The following FAXDC2 variants were observed in gnomAD, a reference collection of about 807,000 sequenced individuals.
The protein encoded by FAXDC2 is fatty acid hydroxylase domain containing 2.
Under a neutral mutation model 40.9 loss-of-function variants are expected in FAXDC2, and 41 were observed. That is an observed-to-expected ratio of 1.00 (90% CI 0.78 to 1.30). The LOEUF (loss-of-function observed/expected upper bound fraction) is 1.30. FAXDC2 is among the 50% of genes most tolerant of loss of function. The probability of loss-of-function intolerance (pLI) is 0.00; values close to 1 mark genes in which losing one functional copy is unlikely to be tolerated. For synonymous variants in FAXDC2, 157 were observed against 149.3 expected (o/e 1.05, Z -0.38); for missense variants, 390 against 408.8 (o/e 0.95, Z 0.40).
chr5:154,824,384 A>G, intron 5 of FAXDC2: 1 of 665,716 alleles, frequency 1.5e-6, no homozygotes, highest in Admixed American at 2.2e-5. Flanking sequence ...GATTTCTCCA[A>G]GTTCCCTCTG....
Position 154,821,339 on chromosome 5 carries a change from T to G in FAXDC2, c.766A>C (p.Ile256Leu). The G allele has an allele frequency of 1.2e-6, 2 of 1,610,426 alleles. No homozygotes were observed. The highest frequency in any genetic ancestry group is 1.7e-6 in the Non-Finnish European group (2 of 1,178,790). Residue 256 changes from isoleucine (I) to leucine (L), a missense_variant, in exon 8 of 9, where the codon ATC becomes CTC. By Grantham distance (5) the Ile-to-Leu change is conservative (BLOSUM62 2). Transcript: ENST00000326080. Reference protein sequence around the residue: ...SITMWFSLALIITTISHCGYH... With the variant: ...SITMWFSLALLITTISHCGYH... ...CCACAGTGGGAGATGGTGGTGATGA[T>G]GAGGGCCAAGGAAAACCACATGGTG...
At position 154,841,962 on chromosome 5, in the gene FAXDC2, T is replaced by G. The variant is rs183632358; in HGVS notation, c.1-3784A>C. On this transcript the variant is annotated intron_variant, in intron 1 of 8. Transcript: ENST00000326080. ...CATGTTGGCCAGACCAGTCTCGAAC[T>G]CCTGATGTCAGATGATCCACCTGCC... Among the ~76,000 whole-genome samples, 275 of 152,222 alleles carry G rather than the reference T, an allele frequency of 1.8e-3. 4 individuals carry two copies. The East Asian group carries it at 0.024, about 13-fold the overall frequency.
intron 5 of FAXDC2, among the ~76,000 whole-genome samples, chr5:154,828,984 A>G (rs1342223563): frequency 3.1e-4 from 46 of 149,892 alleles, no homozygotes; most frequent in South Asian, 2.1e-4. Context: ...CAGTGGTGCA[A>G]TCTCGGCTCA....
intron 4 of FAXDC2, among the ~76,000 whole-genome samples, chr5:154,831,471 C>T (rs1400957483): frequency 6.6e-6 from 1 of 151,258 alleles, no homozygotes; most frequent in Non-Finnish European, 1.5e-5. Flanking sequence ...TTTTTTGAGA[C>T]AAAGCCTCTC....
At chr5:154,844,357 G>A (rs1031847108) in intron 1 of FAXDC2, among the ~76,000 whole-genome samples, 5 of 150,920 alleles carry the variant, frequency 3.3e-5, no homozygotes, top group Non-Finnish European at 7.4e-5. Flanking sequence ...ACTCCTGCCT[G>A]GATGACAGAG....
intron 5 of FAXDC2, chr5:154,824,330 A>G (rs1468420556): frequency 1.3e-5 from 8 of 619,112 alleles, no homozygotes; most frequent in Non-Finnish European, 2.3e-5. Flanking sequence ...TCCTGTGACC[A>G]TAGATTACTT....
In FAXDC2 at chr5:154,830,116, A is replaced by AT. The variant is rs1415049202; in HGVS notation, c.366+684dup. On this transcript the variant is annotated intron_variant, in intron 5 of 8. Transcript: ENST00000326080. The stretch of plus-strand genomic sequence containing the variant: ...TGTCTTGTCTGGGAAAGAAGCCAGG[A>AT]TGTGGTTTGGGTGGAGCTGGGTAAA... Among the ~76,000 whole-genome samples, 47 of 152,304 alleles carry AT rather than the reference A, an allele frequency of 3.1e-4. No homozygotes were observed. In the East Asian group the frequency reaches 8.3e-3, roughly 27 times the overall value.
chr5:154,846,573 T>TG (rs1453918277), intron 1 of FAXDC2, among the ~76,000 whole-genome samples: 8 of 152,098 alleles, frequency 5.3e-5, no homozygotes, highest in Admixed American at 2.0e-4. Context: ...TTTTTAGAGA[T>TG]GGGGTCTCAC....
At chr5:154,832,659 ACTT>A (rs747203208) in intron 4 of FAXDC2, among the ~76,000 whole-genome samples, 6 of 152,208 alleles carry the variant, frequency 3.9e-5, no homozygotes, top group East Asian at 3.8e-4. Flanking sequence ...ACGATCTTAA[ACTT>A]CTTCTAGCTC....
intron 5 of FAXDC2, chr5:154,823,864 T>C: frequency 2.2e-6 from 1 of 448,570 alleles, no homozygotes; most frequent in East Asian, 4.2e-5. Context: ...CTGCACATTA[T>C]CACCACTGCC....
In FAXDC2 at chr5:154,838,168, TCTC is replaced by T; in HGVS notation, c.8_10del (p.Gly3del). The T allele has an allele frequency of 1.9e-6, 3 of 1,613,690 alleles. No homozygotes were observed. Among genetic ancestry groups the T allele is most frequent in the Non-Finnish European group, 2.5e-6 (3 of 1,179,852 alleles). ...TTCATTGTGTAGCATATGTCCAGCT[TCTC>T]CTTTCATCTGGAATGAGAAAGCACA... is the stretch of plus-strand genomic sequence containing the variant. On this transcript the variant is annotated inframe_deletion, in exon 2 of 9. Coordinates refer to ENST00000326080, the MANE Select transcript of FAXDC2 (RefSeq NM_032385.5).
intron 5 of FAXDC2, chr5:154,824,734 C>G (rs1759979319): frequency 1.4e-5 from 8 of 577,968 alleles, no homozygotes; most frequent in Non-Finnish European, 2.5e-5. Context: ...AACAAAGATT[C>G]CTGCCCCCAT....
intron 3 of FAXDC2, 33 bp from the exon 4 acceptor site, chr5:154,834,761 C>A (rs747966879): frequency 6.2e-7 from 1 of 1,603,810 alleles, no homozygotes; most frequent in Non-Finnish European, 8.5e-7. Flanking sequence ...TGGGTGAAGA[C>A]TAGTGGGTGG....
chr5:154,832,650 C>T (rs1164454349), intron 4 of FAXDC2, among the ~76,000 whole-genome samples: 2 of 152,170 alleles, frequency 1.3e-5, no homozygotes, highest in East Asian at 3.8e-4. Context: ...CACCGTAAGA[C>T]GATCTTAAAC....
intron 1 of FAXDC2, among the ~76,000 whole-genome samples, chr5:154,842,745 T>C (rs1760509549): frequency 6.6e-6 from 1 of 150,540 alleles, no homozygotes; most frequent in Admixed American, 6.7e-5. Context: ...TTGGCCAGGA[T>C]AGTCTCAATC....
At chr5:154,848,032 G>C (rs534221542) in intron 1 of FAXDC2, among the ~76,000 whole-genome samples, 7 of 151,984 alleles carry the variant, frequency 4.6e-5, no homozygotes, top group Middle Eastern at 3.4e-3. Context: ...GTAGAGACAG[G>C]GTTTCACCAT....
At chr5:154,829,725 T>A (rs1315395502) in intron 5 of FAXDC2, among the ~76,000 whole-genome samples, 3 of 152,238 alleles carry the variant, frequency 2.0e-5, no homozygotes, top group Non-Finnish European at 4.4e-5. Flanking sequence ...CACCTCTGTT[T>A]CCTCATCTGA....
intron 4 of FAXDC2, among the ~76,000 whole-genome samples, chr5:154,833,696 G>A (rs970667113): frequency 6.7e-6 from 1 of 149,330 alleles, no homozygotes; most frequent in Non-Finnish European, 1.5e-5. Context: ...TTGAGACGAA[G>A]TTTCACACTG....
chr5:154,821,606 C>T lies in FAXDC2; in HGVS notation c.679-180G>A, dbSNP rs571140476. Among the ~76,000 whole-genome samples the T allele has an allele frequency of 4.9e-4, 74 of 152,240 alleles. 2 individuals are homozygous for T. In the South Asian group the frequency reaches 0.012, roughly 26 times the overall value. On this transcript the variant is annotated intron_variant, in intron 7 of 8. Coordinates refer to ENST00000326080, the MANE Select transcript of FAXDC2 (RefSeq NM_032385.5). ...CACCTTTGTAACTTGGGACAAATTA[C>T]GCAGTTTGAGCCTCAACTTTCTTGT...
Sources: allele counts gnomAD v4.1 joint callset (sites outside exome capture counted in the v4.1 genomes callset), GRCh38; gene constraint gnomAD v4.1.1; transcripts MANE v1.5; gene names NCBI Gene and HGNC (gene_info 2026-07-23, HGNC 2026-07-21).